The following DPYD variants were observed in gnomAD, a reference collection of about 807,000 sequenced individuals.
DPYD encodes dihydropyrimidine dehydrogenase [NADP(+)].
DPYD carries 109 observed loss-of-function variants against 116.2 expected under a neutral mutation model. The ratio of observed to expected loss-of-function variants is 0.94; its 90% confidence interval spans 0.80 to 1.10. DPYD has a LOEUF of 1.10. Ranked by LOEUF, DPYD falls within the 50% of genes least tolerant of loss-of-function variation. The pLI is 0.00. For synonymous variants in DPYD, 440 were observed against 432.0 expected (o/e 1.02, Z -0.23); for missense variants, 1,302 against 1,254.5 (o/e 1.04, Z -0.57).
chr1:97,723,398 A>C (rs1460757637), intron 4 of DPYD, among the ~76,000 whole-genome samples: 1 of 151,576 alleles, frequency 6.6e-6, no homozygotes, highest in Non-Finnish European at 1.5e-5. Flanking sequence ...AATAGATTAC[A>C]GAATCTAGTT....
chr1:97,116,073 G>T (rs1324923591), intron 20 of DPYD, among the ~76,000 whole-genome samples: 1 of 152,098 alleles, frequency 6.6e-6, no homozygotes, highest in Non-Finnish European at 1.5e-5. Context: ...GCTTTTATTA[G>T]AGTGAGTTCT....
intron 3 of DPYD, among the ~76,000 whole-genome samples, chr1:97,802,581 A>C (rs6703307): frequency 0.83 from 125,871 of 151,730 alleles, 52,405 homozygotes; most frequent in East Asian, 0.98. Context: ...TCAGATATTT[A>C]TTTTACCAAG....
At chr1:97,292,928 ATTT>A (rs1666306316) in intron 18 of DPYD, among the ~76,000 whole-genome samples, 1 of 152,206 alleles carries the variant, frequency 6.6e-6, no homozygotes, top group South Asian at 2.1e-4. Context: ...TCATAATTTC[ATTT>A]TAGTATTGGA....
intron 8 of DPYD, among the ~76,000 whole-genome samples, chr1:97,605,109 C>A (rs1392237909): frequency 6.6e-6 from 1 of 152,120 alleles, no homozygotes; most frequent in Non-Finnish European, 1.5e-5. Flanking sequence ...CGATTTTCCA[C>A]ATCTAACAAT....
intron 18 of DPYD, among the ~76,000 whole-genome samples, chr1:97,272,398 C>T (rs183162887): frequency 1.3e-5 from 2 of 152,118 alleles, no homozygotes; most frequent in East Asian, 1.9e-4. Flanking sequence ...AGTTCATTTC[C>T]GTCTGAATTG....
intron 13 of DPYD, among the ~76,000 whole-genome samples, chr1:97,454,051 T>C (rs983674876): frequency 2.0e-5 from 3 of 152,062 alleles, no homozygotes; most frequent in Non-Finnish European, 4.4e-5. Context: ...GAAAGGAATT[T>C]GTTAGCATCA....
chr1:97,598,619 AGGAG>A (rs931928019), intron 8 of DPYD, among the ~76,000 whole-genome samples: 6 of 141,122 alleles, frequency 4.3e-5, no homozygotes, highest in African/African-American at 1.3e-4. Context: ...GAGGGAGGGA[AGGAG>A]GGAGGGAGGG....
chr1:97,202,194 G>C (rs893785296), intron 19 of DPYD, among the ~76,000 whole-genome samples: 2 of 152,114 alleles, frequency 1.3e-5, no homozygotes, highest in African/African-American at 4.8e-5. Flanking sequence ...AAATGGATAA[G>C]TAGTTCTGCT....
chr1:97,285,396 A>C (rs1297953102), intron 18 of DPYD, among the ~76,000 whole-genome samples: 1 of 152,212 alleles, frequency 6.6e-6, no homozygotes, highest in African/African-American at 2.4e-5. Flanking sequence ...CAAGTGCTTC[A>C]TTTCTCTATT....
chr1:97,489,033 A>G (rs10875092), intron 13 of DPYD, among the ~76,000 whole-genome samples: 30,926 of 152,138 alleles, frequency 0.2, 3,883 homozygotes, highest in East Asian at 0.46. Flanking sequence ...GGCAAAGCCA[A>G]GAACCCTCCC....
chr1:97,195,640 A>ATATG (rs1658738056), intron 19 of DPYD, among the ~76,000 whole-genome samples: 1 of 4,154 alleles, frequency 2.4e-4, no homozygotes, highest in Non-Finnish European at 4.3e-4. Flanking sequence ...ATGTGTATAT[A>ATATG]TATATATATA....
At chr1:97,673,963 G>A (rs1660009421) in intron 8 of DPYD, among the ~76,000 whole-genome samples, 1 of 152,194 alleles carries the variant, frequency 6.6e-6, no homozygotes, top group Non-Finnish European at 1.5e-5. Context: ...AATAGGAGAA[G>A]TGACTAGAGA....
chr1:97,658,776 A>G (rs779785686), intron 8 of DPYD, among the ~76,000 whole-genome samples: 1 of 152,068 alleles, frequency 6.6e-6, no homozygotes, highest in Non-Finnish European at 1.5e-5. Context: ...TAAATGCCCA[A>G]CTTTTCTAAC....
chr1:97,471,895 C>G (rs1053681862), intron 13 of DPYD, among the ~76,000 whole-genome samples: 29 of 152,212 alleles, frequency 1.9e-4, no homozygotes, highest in African/African-American at 6.7e-4. Context: ...CATCCCGTCC[C>G]CCTCTTTTTC....
chr1:97,658,848 C>A (rs1204516932), intron 8 of DPYD, among the ~76,000 whole-genome samples: 1 of 152,130 alleles, frequency 6.6e-6, no homozygotes, highest in Non-Finnish European at 1.5e-5. Context: ...AGCCTAAAGA[C>A]TAAAAAATTG....
chr1:97,519,361 G>A (rs532550881), intron 12 of DPYD, among the ~76,000 whole-genome samples: 1 of 152,092 alleles, frequency 6.6e-6, no homozygotes, highest in Non-Finnish European at 1.5e-5. Context: ...TAGATCTTGT[G>A]AGACTTATTC....
At chr1:97,298,170 A>T (rs1162539622) in intron 18 of DPYD, among the ~76,000 whole-genome samples, 1 of 152,198 alleles carries the variant, frequency 6.6e-6, no homozygotes, top group African/African-American at 2.4e-5. Flanking sequence ...TATTCTAACT[A>T]AAATGCTCGA....
At chr1:97,286,415 A>C (rs1489981287) in intron 18 of DPYD, among the ~76,000 whole-genome samples, 1 of 151,770 alleles carries the variant, frequency 6.6e-6, no homozygotes, top group Non-Finnish European at 1.5e-5. Flanking sequence ...TGCTCTTCTC[A>C]AGGAGTATCT....
chr1:97,218,035 G>A (rs1405802539), intron 19 of DPYD, among the ~76,000 whole-genome samples: 1 of 152,150 alleles, frequency 6.6e-6, no homozygotes, highest in Non-Finnish European at 1.5e-5. Flanking sequence ...AGTAAATGTT[G>A]AGCAAAGTAT....
Sources: gnomAD v4.1 joint callset for allele counts (sites outside exome capture counted in the v4.1 genomes callset) on GRCh38, gnomAD v4.1.1 for gene constraint, MANE v1.5 for transcripts, NCBI Gene and HGNC (gene_info 2026-07-23, HGNC 2026-07-21) for gene names.